SEMA3D: variants seen among roughly 807,000 people sequenced by gnomAD.
SEMA3D encodes semaphorin-3D.
Under a neutral mutation model 100.1 loss-of-function variants are expected in SEMA3D, and 84 were observed. The observed-to-expected ratio is 0.84, with a 90% CI of 0.70 to 1.01. The LOEUF (loss-of-function observed/expected upper bound fraction) is 1.01. SEMA3D is among the 50% of genes least tolerant of loss of function. The pLI is 0.00. For synonymous variants in SEMA3D, 312 were observed against 320.7 expected, an observed-to-expected ratio of 0.97 and a Z score of 0.29; for missense variants, 875 against 934.1, an observed-to-expected ratio of 0.94 and a Z score of 0.82.
intron 1 of SEMA3D, among the ~76,000 whole-genome samples, chr7:85,164,962 G>A (rs187838801): frequency 2.3e-4 from 35 of 151,022 alleles, no homozygotes; most frequent in Non-Finnish European, 3.7e-4. Context: ...GTCATTTAGC[G>A]TTAGGTATAT....
chr7:85,214,754 C>T, the SEMA3D span, among the ~76,000 whole-genome samples: 1 of 152,124 alleles, frequency 6.6e-6, no homozygotes, highest in African/African-American at 2.4e-5. Flanking sequence ...CCTCGGCCTC[C>T]CAAAGTGCTG....
At chr7:85,215,878 A>G in the SEMA3D span, among the ~76,000 whole-genome samples, 1 of 152,140 alleles carries the variant, frequency 6.6e-6, no homozygotes, top group Middle Eastern at 3.4e-3. Context: ...TCAAGATTAC[A>G]CTCAAACCTG....
Position 85,036,912 on chromosome 7 carries a change from T to A in SEMA3D, c.1168A>T (p.Ile390Phe). The A allele has an allele frequency of 6.2e-7, 1 of 1,613,246 alleles. No homozygotes were observed. The highest frequency in any genetic ancestry group is 8.5e-7 in the Non-Finnish European group (1 of 1,179,386). The change falls in exon 12 of 19, where the codon ATT becomes TTT. Residue 390 changes from isoleucine to phenylalanine, a missense_variant. By Grantham distance (21) the Ile-to-Phe change is conservative. Transcript: ENST00000284136. ...ACTGTACCAGGCCGTGGATAAGGAA[T>A]TCTCCCATCATACTGCACCCAACGA... ...DHRWVQYDGRIPYPRPGTCPS... is the reference protein window; with the variant it reads ...DHRWVQYDGRFPYPRPGTCPS...
intron 1 of SEMA3D, among the ~76,000 whole-genome samples, chr7:85,178,498 T>C (rs1424032020): frequency 6.6e-6 from 1 of 152,166 alleles, no homozygotes; most frequent in Non-Finnish European, 1.5e-5. Flanking sequence ...TGCTATGTTT[T>C]AGCAAAGAGA....
upstream of SEMA3D, among the ~76,000 whole-genome samples, chr7:85,187,878 C>T (rs10257875): frequency 6.6e-6 from 1 of 152,134 alleles, no homozygotes; most frequent in Non-Finnish European, 1.5e-5. Flanking sequence ...GAGCCCTGTA[C>T]GTTAGGCATT....
intron 4 of SEMA3D, among the ~76,000 whole-genome samples, chr7:85,084,221 T>A (rs1788152615): frequency 6.6e-6 from 1 of 152,186 alleles, no homozygotes; most frequent in Admixed American, 6.5e-5. Flanking sequence ...TCTCAAGGTA[T>A]CCTCTCACTT....
intron 12 of SEMA3D, chr7:85,029,435 T>G (rs763325954): frequency 4.0e-5 from 31 of 771,224 alleles, no homozygotes; most frequent in Non-Finnish European, 5.2e-5. Context: ...AAACTTCAAG[T>G]CAAGATTAAC....
At chr7:85,009,316 T>C (rs923042827) in intron 17 of SEMA3D, among the ~76,000 whole-genome samples, 1 of 151,766 alleles carries the variant, frequency 6.6e-6, no homozygotes, top group Non-Finnish European at 1.5e-5. Context: ...GTATTGCTGA[T>C]TTTATGTCAC....
intron 2 of SEMA3D, among the ~76,000 whole-genome samples, chr7:85,126,072 T>G (rs1789557798): frequency 1.3e-5 from 2 of 152,060 alleles, no homozygotes; most frequent in Non-Finnish European, 2.9e-5. Flanking sequence ...TTCCACTAAA[T>G]CAGAGATCCA....
chr7:85,051,087 C>T (rs1163215489), intron 9 of SEMA3D, among the ~76,000 whole-genome samples: 2 of 151,786 alleles, frequency 1.3e-5, no homozygotes, highest in Non-Finnish European at 2.9e-5. Context: ...CTAAGTTACC[C>T]TTGTTTTTGG....
chr7:85,112,290 AT>A, intron 3 of SEMA3D, among the ~76,000 whole-genome samples: 1 of 152,296 alleles, frequency 6.6e-6, no homozygotes, highest in South Asian at 2.1e-4. Flanking sequence ...GAAAATTCTG[AT>A]TAAACAAAGA....
At chr7:85,062,601 T>C (rs1791507597) in intron 8 of SEMA3D, among the ~76,000 whole-genome samples, 1 of 152,176 alleles carries the variant, frequency 6.6e-6, no homozygotes. Flanking sequence ...ACAAGATCTA[T>C]AACATTCACA....
At chr7:85,026,336 A>G (rs1435038601) in intron 12 of SEMA3D, among the ~76,000 whole-genome samples, 2 of 152,046 alleles carry the variant, frequency 1.3e-5, no homozygotes. Flanking sequence ...AAGAGAAAAT[A>G]AAACTGTGAA....
At chr7:85,238,206 A>G in the SEMA3D span, among the ~76,000 whole-genome samples, 1 of 152,114 alleles carries the variant, frequency 6.6e-6, no homozygotes, top group South Asian at 2.1e-4. Flanking sequence ...CTTTCAGTCT[A>G]TGGTAAAGTA....
At chr7:85,106,058 T>C (rs1417797187) in intron 3 of SEMA3D, among the ~76,000 whole-genome samples, 1 of 152,132 alleles carries the variant, frequency 6.6e-6, no homozygotes, top group Admixed American at 6.6e-5. Flanking sequence ...TTTTAAATTT[T>C]CAAAAGCTTT....
chr7:85,106,947 T>C (rs1021227050), intron 3 of SEMA3D, among the ~76,000 whole-genome samples: 18 of 152,100 alleles, frequency 1.2e-4, no homozygotes, highest in Admixed American at 1.2e-3. Flanking sequence ...ACGTGGGGAT[T>C]ACGGGAACTA....
the SEMA3D span, among the ~76,000 whole-genome samples, chr7:85,195,524 A>G: frequency 1.3e-5 from 2 of 152,020 alleles, no homozygotes; most frequent in East Asian, 1.9e-4. Context: ...ATGGTCACAG[A>G]TCACTGTAGC....
At chr7:85,228,110 A>C in the SEMA3D span, among the ~76,000 whole-genome samples, 1 of 152,156 alleles carries the variant, frequency 6.6e-6, no homozygotes, top group African/African-American at 2.4e-5. Context: ...TTTTATGATG[A>C]AAAATGACAC....
At chr7:85,024,724 G>A (rs1170415765) in intron 12 of SEMA3D, among the ~76,000 whole-genome samples, 3 of 151,926 alleles carry the variant, frequency 2.0e-5, no homozygotes, top group African/African-American at 7.2e-5. Flanking sequence ...TGATATCTCA[G>A]GTCTGCGTCT....
Sources: allele counts gnomAD v4.1 joint callset (sites outside exome capture counted in the v4.1 genomes callset), GRCh38; gene constraint gnomAD v4.1.1; transcripts MANE v1.5; gene names NCBI Gene and HGNC (gene_info 2026-07-23, HGNC 2026-07-21).